Variants in PCDHGB3 observed in about 807,000 individuals in gnomAD.
The protein encoded by PCDHGB3 is protocadherin gamma subfamily B, 3, also known as protocadherin gamma-B3.
In PCDHGB3, 40 loss-of-function variants were observed where a neutral mutation model predicts 59.2. That is an observed-to-expected ratio of 0.68 (90% CI 0.52 to 0.88). The LOEUF (loss-of-function observed/expected upper bound fraction) is 0.88. Among genes scored for constraint, PCDHGB3 ranks in the 40% least tolerant of loss-of-function variants. The pLI, the probability that PCDHGB3 is intolerant of heterozygous loss-of-function variation, is 0.00. For missense variants in PCDHGB3, 1,309 were observed against 1,187.9 expected (o/e 1.10, Z -1.50); for synonymous variants, 581 against 503.6 (o/e 1.15, Z -2.06).
chr5:141,473,905 G>T (rs940750776), intron 1 of PCDHGB3, among the ~76,000 whole-genome samples: 2 of 152,096 alleles, frequency 1.3e-5, no homozygotes, highest in African/African-American at 4.8e-5. Context: ...TCATGAAGAG[G>T]TCTTAAGAAA....
intron 1 of PCDHGB3, chr5:141,423,473 C>A: frequency 6.2e-7 from 1 of 1,614,010 alleles, no homozygotes; most frequent in Non-Finnish European, 8.5e-7. Flanking sequence ...GGGGTACAGG[C>A]TTTCCTGCAA....
chr5:141,390,196 T>C (rs1416526939), intron 1 of PCDHGB3: 2 of 1,613,930 alleles, frequency 1.2e-6, no homozygotes, highest in African/African-American at 2.7e-5. Context: ...AGTGAGCAGT[T>C]GAGTTCAGGA....
In PCDHGB3 at chr5:141,456,878, G is replaced by T. The variant is rs71583646; in HGVS notation, c.2416-37929G>T. On this transcript the variant is annotated intron_variant, in intron 1 of 3. Coordinates refer to ENST00000576222, the MANE Select transcript of PCDHGB3 (RefSeq NM_018924.5). ...ATTGGGAGGCTGAGGCAGGAGAATCGCTTGAACCCGGGAGGCAGAGGTTGC... is the reference window on the plus strand; with the variant it reads ...ATTGGGAGGCTGAGGCAGGAGAATCTCTTGAACCCGGGAGGCAGAGGTTGC... Among the ~76,000 whole-genome samples, 307 of 152,160 alleles carry T rather than the reference G, an allele frequency of 2.0e-3. 1 individual carries two copies. The highest frequency in any genetic ancestry group is 0.01 in the Middle Eastern group (3 of 294).
Position 141,400,778 on chromosome 5 carries a change from T to A in PCDHGB3, c.2415+27969T>A, listed in dbSNP as rs1589424490. ...TCTCTAGCAAAAACATTTGGTGCGT[T>A]TTTTTGTCCTCTTTCTCAAAGCTAA... On this transcript the variant is annotated intron_variant, in intron 1 of 3. Coordinates refer to ENST00000576222, the MANE Select transcript of PCDHGB3 (RefSeq NM_018924.5). 6 of 568,120 alleles carry A rather than the reference T, an allele frequency of 1.1e-5. No individual in the cohort carries two copies. The East Asian group carries it at 1.7e-4, about 16-fold the overall frequency. 35.2% of individuals were successfully genotyped at this position (568,120 alleles called of 1,614,324 possible).
At chr5:141,510,795 G>A in intron 3 of PCDHGB3, 152 bp from the exon 4 acceptor site, 6 of 1,465,214 alleles carry the variant, frequency 4.1e-6, no homozygotes, top group Non-Finnish European at 5.5e-6. Context: ...CTTGTGAAGA[G>A]AGACTACCTT....
chr5:141,500,501 G>T (rs571735791), intron 2 of PCDHGB3, among the ~76,000 whole-genome samples: 6 of 152,176 alleles, frequency 3.9e-5, no homozygotes, highest in Non-Finnish European at 8.8e-5. Context: ...GAGCCACCGC[G>T]CCTGGCCGAG....
chr5:141,489,124 A>C lies in PCDHGB3; in HGVS notation c.2416-5683A>C. The C allele has an allele frequency of 3.6e-6, 2 of 556,652 alleles. No individual in the cohort carries two copies. Among genetic ancestry groups the C allele is most frequent in the South Asian group, 3.3e-5 (1 of 30,014 alleles). The allele number at this position is 556,652 out of a possible 1,614,324, so 34.5% of individuals were successfully genotyped here. On this transcript the variant is annotated intron_variant, in intron 1 of 3. Transcript: ENST00000576222. The surrounding 1 kb of genome is among the most constrained non-coding windows in gnomAD (Gnocchi z 4.5). ...GCTGCAAGCAGGCAAACCTCCGAGC[A>C]GTTTTTAAGAGGCTGGAAGGAGACA...
chr5:141,381,826 C>CTTCTTT (rs1777532522), intron 1 of PCDHGB3, among the ~76,000 whole-genome samples: 105 of 74,288 alleles, frequency 1.4e-3, no homozygotes, highest in Non-Finnish European at 1.6e-3. Flanking sequence ...CTTTCTTCTT[C>CTTCTTT]TTTTTTTTTT....
chr5:141,475,870 C>CAGTT, intron 1 of PCDHGB3: 1 of 511,190 alleles, frequency 2.0e-6, no homozygotes, highest in East Asian at 3.3e-5. Context: ...ATTCTTCGTG[C>CAGTT]AGTTATTGGC....
chr5:141,455,158 T>TG (rs1279537888), intron 1 of PCDHGB3, among the ~76,000 whole-genome samples: 46 of 145,032 alleles, frequency 3.2e-4, no homozygotes, highest in African/African-American at 1.0e-3. Flanking sequence ...ATTAGTTTGT[T>TG]GGTTTTTTTT....
chr5:141,406,307 T>C (rs2094791462), intron 1 of PCDHGB3, among the ~76,000 whole-genome samples: 1 of 152,088 alleles, frequency 6.6e-6, no homozygotes, highest in African/African-American at 2.4e-5. Flanking sequence ...GTGAACCACC[T>C]CACCCAGCAA....
In PCDHGB3 at chr5:141,422,647, T is replaced by G. The variant is rs773990745; in HGVS notation, c.2415+49838T>G. 2.5e-6 allele frequency: 4 copies of G among 1,611,858 alleles called. No individual in the cohort carries two copies. In the South Asian group the frequency reaches 4.4e-5, roughly 18 times the overall value. On this transcript the variant is annotated intron_variant, in intron 1 of 3. Transcript: ENST00000576222. ...CAACCCCAGGGGTGCCTCCATCTTC[T>G]CAGTGACCGCCCTCGACCCGGACAG...
intron 1 of PCDHGB3, chr5:141,413,835 C>T (rs762735722): frequency 1.9e-6 from 3 of 1,613,258 alleles, no homozygotes. Context: ...CCGCCTCCGA[C>T]GGGGGTGACC....
chr5:141,446,532 A>G (rs1443843436), intron 1 of PCDHGB3, among the ~76,000 whole-genome samples: 1 of 151,788 alleles, frequency 6.6e-6, no homozygotes, highest in Non-Finnish European at 1.5e-5. Flanking sequence ...GCTGGAGTGC[A>G]GTGGCCCTAT....
intron 1 of PCDHGB3, chr5:141,441,795 C>T (rs569465359): frequency 2.6e-6 from 1 of 387,758 alleles, no homozygotes; most frequent in Non-Finnish European, 5.1e-6. Flanking sequence ...TGACAACGCA[C>T]CGCGGGTGCT....
At chr5:141,451,526 G>T (rs896029145) in intron 1 of PCDHGB3, among the ~76,000 whole-genome samples, 1 of 152,168 alleles carries the variant, frequency 6.6e-6, no homozygotes, top group African/African-American at 2.4e-5. Flanking sequence ...GCAAGTAAAG[G>T]AGAGTGCCAG....
At chr5:141,463,412 A>G (rs1397215687) in intron 1 of PCDHGB3, among the ~76,000 whole-genome samples, 9 of 127,856 alleles carry the variant, frequency 7.0e-5, no homozygotes, top group Non-Finnish European at 1.5e-4. Flanking sequence ...TGGAGATCCT[A>G]GTTTGCGGAT....
intron 1 of PCDHGB3, chr5:141,422,581 G>C: frequency 6.2e-7 from 1 of 1,613,984 alleles, no homozygotes; most frequent in Non-Finnish European, 8.5e-7. Context: ...TAACCCTCCC[G>C]TTTTTCCTCA....
chr5:141,473,699 C>T (rs560096812), intron 1 of PCDHGB3, among the ~76,000 whole-genome samples: 2 of 152,244 alleles, frequency 1.3e-5, no homozygotes, highest in South Asian at 2.1e-4. Flanking sequence ...TGACCACCCT[C>T]CAAGTGGTGC....
Sources: gnomAD v4.1 joint callset for allele counts (sites outside exome capture counted in the v4.1 genomes callset) on GRCh38, gnomAD v4.1.1 for gene constraint, Gnocchi (gnomAD v3.1) non-coding constraint, MANE v1.5 for transcripts, NCBI Gene and HGNC (gene_info 2026-07-23, HGNC 2026-07-21) for gene names.